The following ZFPM2 variants were observed in gnomAD, a reference collection of about 807,000 sequenced individuals.
ZFPM2 encodes zinc finger protein ZFPM2.
A neutral mutation model predicts 98.6 loss-of-function variants in ZFPM2; 20 were observed. The ratio of observed to expected loss-of-function variants is 0.20; its 90% CI spans 0.14 to 0.29. ZFPM2 has a LOEUF of 0.29. Among genes scored for constraint, ZFPM2 ranks in the 10% least tolerant of loss-of-function variants. The pLI, the probability that ZFPM2 is intolerant of heterozygous loss-of-function variation, is 1.00. For synonymous variants in ZFPM2, 518 were observed against 502.7 expected (o/e 1.03, Z -0.41); for missense variants, 1,310 against 1,388.6 (o/e 0.94, Z 0.90).
chr8:105,531,466 G>A (rs772826000), intron 3 of ZFPM2, among the ~76,000 whole-genome samples: 1 of 152,034 alleles, frequency 6.6e-6, no homozygotes, highest in Non-Finnish European at 1.5e-5. Flanking sequence ...GTCATCTCAT[G>A]ACCATCTTCT....
intron 3 of ZFPM2, among the ~76,000 whole-genome samples, chr8:105,513,130 G>GTGCAAAATAGCAGATAA (rs1306748965): frequency 6.6e-6 from 1 of 152,086 alleles, no homozygotes; most frequent in African/African-American, 2.4e-5. Flanking sequence ...TGGGCCCAAC[G>GTGCAAAATAGCAGATAA]TGCAAAATAG....
intron 5 of ZFPM2, among the ~76,000 whole-genome samples, chr8:105,754,657 T>C (rs753299794): frequency 2.0e-5 from 3 of 151,188 alleles, no homozygotes; most frequent in South Asian, 2.1e-4. Context: ...GAAATGTGAA[T>C]TGTAAGAGAA....
intron 3 of ZFPM2, among the ~76,000 whole-genome samples, chr8:105,483,376 G>A (rs530571522): frequency 6.6e-6 from 1 of 151,966 alleles, no homozygotes; most frequent in African/African-American, 2.4e-5. Context: ...GATTGCTTGA[G>A]GTCAGGAGTT....
chr8:105,503,254 G>A (rs1268462407), intron 3 of ZFPM2, among the ~76,000 whole-genome samples: 1 of 152,118 alleles, frequency 6.6e-6, no homozygotes, highest in East Asian at 1.9e-4. Context: ...CACATAAAGG[G>A]AGCAACTCGA....
chr8:105,375,873 G>C (rs1317921658), intron 1 of ZFPM2, among the ~76,000 whole-genome samples: 3 of 152,014 alleles, frequency 2.0e-5, no homozygotes, highest in Non-Finnish European at 4.4e-5. Context: ...ACATTTCCCT[G>C]TAAATACAAG....
At chr8:105,440,448 C>A (rs1449639191) in intron 2 of ZFPM2, among the ~76,000 whole-genome samples, 2 of 151,850 alleles carry the variant, frequency 1.3e-5, no homozygotes, top group African/African-American at 4.8e-5. Flanking sequence ...TACATGGTGA[C>A]TGGCCCCAAA....
At chr8:105,409,712 A>G (rs1409539066) in intron 1 of ZFPM2, among the ~76,000 whole-genome samples, 3 of 151,978 alleles carry the variant, frequency 2.0e-5, no homozygotes, top group Non-Finnish European at 2.9e-5. Context: ...ATTCCAGCAC[A>G]GTTGTTCTCA....
intron 5 of ZFPM2, among the ~76,000 whole-genome samples, chr8:105,656,503 G>A (rs996555633): frequency 7.2e-5 from 11 of 152,142 alleles, no homozygotes; most frequent in South Asian, 2.1e-4. Flanking sequence ...TCAGTATTAC[G>A]TCCCTAGGCA....
At chr8:105,684,999 G>A (rs1176131566) in intron 5 of ZFPM2, 2 of 152,008 alleles carry the variant, frequency 1.3e-5, no homozygotes, top group African/African-American at 4.8e-5. Context: ...AATATATACA[G>A]GCATGCATTA....
chr8:105,715,424 A>AG, intron 5 of ZFPM2, among the ~76,000 whole-genome samples: 1 of 143,468 alleles, frequency 7.0e-6, no homozygotes, highest in South Asian at 2.2e-4. Context: ...AAAAAAAAAA[A>AG]AGAGAGACGT....
chr8:105,760,042 G>T (rs914589590), intron 5 of ZFPM2, among the ~76,000 whole-genome samples: 1 of 151,946 alleles, frequency 6.6e-6, no homozygotes, highest in African/African-American at 2.4e-5. Context: ...AGAGTTCAGG[G>T]GCTTATCCAA....
chr8:105,341,001 C>T (rs1471633854), intron 1 of ZFPM2, among the ~76,000 whole-genome samples: 2 of 151,884 alleles, frequency 1.3e-5, no homozygotes, highest in African/African-American at 4.8e-5. Flanking sequence ...GAACCACTGT[C>T]AAGGGTGAGG....
intron 5 of ZFPM2, among the ~76,000 whole-genome samples, chr8:105,714,309 T>G (rs1216344634): frequency 6.6e-6 from 1 of 152,098 alleles, no homozygotes; most frequent in African/African-American, 2.4e-5. Flanking sequence ...TTGTGTACAT[T>G]GTTTCTGTAT....
intron 4 of ZFPM2, among the ~76,000 whole-genome samples, chr8:105,590,040 C>T (rs868635371): frequency 3.3e-5 from 5 of 152,040 alleles, no homozygotes; most frequent in African/African-American, 1.2e-4. Flanking sequence ...ATTTTCTGAT[C>T]CATTTTGTTT....
chr8:105,509,229 G>A (rs1057288499), intron 3 of ZFPM2, among the ~76,000 whole-genome samples: 1 of 152,198 alleles, frequency 6.6e-6, no homozygotes, highest in Non-Finnish European at 1.5e-5. Flanking sequence ...CATTCTAAGT[G>A]AGTCTGAGAA....
intron 5 of ZFPM2, among the ~76,000 whole-genome samples, chr8:105,762,520 T>C (rs1021128865): frequency 6.6e-5 from 10 of 151,926 alleles, no homozygotes; most frequent in Non-Finnish European, 8.8e-5. Flanking sequence ...TAACTCCTTG[T>C]GAGTGGGCAC....
At chr8:105,614,396 A>G (rs1300513724) in intron 4 of ZFPM2, among the ~76,000 whole-genome samples, 2 of 152,134 alleles carry the variant, frequency 1.3e-5, no homozygotes, top group Non-Finnish European at 2.9e-5. Flanking sequence ...ATGCAAAAAA[A>G]GTTTCAGTAG....
intron 1 of ZFPM2, among the ~76,000 whole-genome samples, chr8:105,343,212 A>G (rs1379821814): frequency 6.6e-6 from 1 of 152,126 alleles, no homozygotes; most frequent in Non-Finnish European, 1.5e-5. Flanking sequence ...GCTAAAATGA[A>G]AACTTCATAG....
At chr8:105,722,370 G>A (rs551763944) in intron 5 of ZFPM2, among the ~76,000 whole-genome samples, 67 of 151,712 alleles carry the variant, frequency 4.4e-4, no homozygotes, top group African/African-American at 1.5e-3. Context: ...TTTCTTCCTT[G>A]GTTATGACTA....
Sources: gnomAD v4.1 joint callset for allele counts (sites outside exome capture counted in the v4.1 genomes callset) on GRCh38, gnomAD v4.1.1 for gene constraint, MANE v1.5 for transcripts, NCBI Gene and HGNC (gene_info 2026-07-23, HGNC 2026-07-21) for gene names.